The following PDIA5 variants were observed in gnomAD, a reference collection of about 807,000 sequenced individuals.
The protein encoded by PDIA5 is protein disulfide isomerase family A member 5, also known as protein disulfide-isomerase A5.
In PDIA5, 58 loss-of-function variants were observed where a neutral mutation model predicts 77.6. The ratio of observed to expected loss-of-function variants is 0.75; its 90% CI spans 0.61 to 0.93. The LOEUF is 0.93. Ranked by LOEUF, PDIA5 falls within the 40% of genes least tolerant of loss-of-function variation. The pLI, the probability that PDIA5 is intolerant of heterozygous loss-of-function variation, is 0.00. For synonymous variants in PDIA5, 250 were observed against 252.1 expected (o/e 0.99, Z 0.08); for missense variants, 630 against 647.7 (o/e 0.97, Z 0.30).
At chr3:123,114,706 A>G (rs1159203118) in intron 7 of PDIA5, among the ~76,000 whole-genome samples, 1 of 152,200 alleles carries the variant, frequency 6.6e-6, no homozygotes. Context: ...GACAAGTGTC[A>G]TATTCCTTCC....
intron 1 of PDIA5, among the ~76,000 whole-genome samples, chr3:123,084,827 G>A (rs185760096): frequency 2.7e-3 from 410 of 152,184 alleles, no homozygotes; most frequent in African/African-American, 9.3e-3. Flanking sequence ...GTCTCTCCAC[G>A]CGGGCAGCCA....
Position 123,067,193 on chromosome 3 carries a change from T to C in PDIA5, c.29T>C (p.Leu10Pro). The change falls in exon 1 of 17, where the codon CTG (leucine) becomes CCG (proline). Residue 10 changes from leucine (L) to proline (P), a missense_variant. Transcript: ENST00000316218. Reference sequence around the variant, plus strand: ...GCGCGGGCCGGGCCGGCGTGGCTGCTGCTGGCAATCTGGGTGAGACTGTGG... The same window carrying C: ...GCGCGGGCCGGGCCGGCGTGGCTGCCGCTGGCAATCTGGGTGAGACTGTGG... MARAGPAWL[L>P]LAIWVVLPSW... 2 of 1,248,016 alleles carry C rather than the reference T, an allele frequency of 1.6e-6. No homozygotes were observed. Among genetic ancestry groups the C allele is most frequent in the Non-Finnish European group, 2.0e-6 (2 of 990,526 alleles). The allele number at this position is 1,248,016 out of a possible 1,614,324, so 77.3% of individuals were successfully genotyped here. A position where few individuals can be genotyped will look rare whatever the true frequency, so the allele number is the denominator to read the frequency against.
intron 3 of PDIA5, among the ~76,000 whole-genome samples, chr3:123,100,494 C>T (rs1409450529): frequency 1.3e-5 from 2 of 152,236 alleles, no homozygotes; most frequent in Non-Finnish European, 2.9e-5. Flanking sequence ...ATTGCAGTGT[C>T]ATTAGCCTTT....
rs117091290 is a variant in PDIA5 at position 123,117,108 on chromosome 3, C to T, written c.609+810C>T. Among the ~76,000 whole-genome samples, 565 of 151,974 alleles carry T rather than the reference C, an allele frequency of 3.7e-3. 7 individuals carry two copies. The highest frequency in any genetic ancestry group is 0.02 in the East Asian group (103 of 5,148). On this transcript the variant is annotated intron_variant, in intron 8 of 16. Transcript: ENST00000316218. ...GCTCCCTGGTACCTCTGTGTTCCCCCACCCTGCCAGGTTTTTTTGTTCTCT... is the reference window on the plus strand; with the variant it reads ...GCTCCCTGGTACCTCTGTGTTCCCCTACCCTGCCAGGTTTTTTTGTTCTCT...
chr3:123,150,043 A>G lies in PDIA5; in HGVS notation c.1143-191A>G, dbSNP rs112294582. Among the ~76,000 whole-genome samples, 1,153 of 152,318 alleles carry G rather than the reference A, an allele frequency of 7.6e-3. 9 individuals carry two copies. Among genetic ancestry groups the G allele is most frequent in the African/African-American group, 0.026 (1,074 of 41,570 alleles). Reference sequence around the variant, plus strand: ...CTTAATGGGCTCCTCAGAGGGAATCAGGGAAGGTCTTTGCTGGTGGCACAG... The same window carrying G: ...CTTAATGGGCTCCTCAGAGGGAATCGGGGAAGGTCTTTGCTGGTGGCACAG... On this transcript the variant is annotated intron_variant, in intron 13 of 16. Transcript: ENST00000316218.
chr3:123,120,806 C>A (rs1292014974), intron 8 of PDIA5, among the ~76,000 whole-genome samples: 1 of 152,100 alleles, frequency 6.6e-6, no homozygotes, highest in Admixed American at 6.6e-5. Context: ...CCACCCCCCA[C>A]CTCCACCTCT....
intron 10 of PDIA5, among the ~76,000 whole-genome samples, chr3:123,127,062 T>C (rs1257784975): frequency 6.6e-6 from 1 of 152,228 alleles, no homozygotes; most frequent in Non-Finnish European, 1.5e-5. Context: ...CATTTTGGCC[T>C]GTGTAGCTTT....
At position 123,146,073 on chromosome 3, in the gene PDIA5, C is replaced by T. The variant is rs367988419; in HGVS notation, c.982-26C>T. 1.4e-5 allele frequency: 22 copies of T among 1,611,134 alleles called. No individual in the cohort carries two copies. In the Middle Eastern group the frequency reaches 5.0e-4, roughly 37 times the overall value. ...CAGCACCGCATCTGAGGCTGTAATG[C>T]ATGGTTGGCCTTTCCCCCATCCCAG... On this transcript the variant is annotated intron_variant, in intron 12 of 16. Transcript: ENST00000316218.
At chr3:123,141,371 G>A (rs1935630341) in intron 11 of PDIA5, among the ~76,000 whole-genome samples, 1 of 152,176 alleles carries the variant, frequency 6.6e-6, no homozygotes, top group African/African-American at 2.4e-5. Context: ...CATTTCCCGA[G>A]GCCTCCCAGT....
chr3:123,125,698 A>G (rs1935232211), intron 10 of PDIA5, among the ~76,000 whole-genome samples: 1 of 152,194 alleles, frequency 6.6e-6, no homozygotes, highest in South Asian at 2.1e-4. Context: ...TTAGATTTCT[A>G]AAGGTGGAGA....
intron 5 of PDIA5, among the ~76,000 whole-genome samples, chr3:123,105,604 C>A (rs1198182632): frequency 6.6e-6 from 1 of 152,192 alleles, no homozygotes; most frequent in Non-Finnish European, 1.5e-5. Context: ...CTCCCATTCT[C>A]CCGTAGTAGT....
chr3:123,152,796 C>G lies in PDIA5; in HGVS notation c.1274-2175C>G, dbSNP rs572107641. Among the ~76,000 whole-genome samples the G allele has an allele frequency of 7.9e-5, 12 of 152,276 alleles. No homozygotes were observed. In the South Asian group the frequency reaches 2.3e-3, roughly 29 times the overall value. On this transcript the variant is annotated intron_variant, in intron 14 of 16. Transcript: ENST00000316218. ...AGCTTCTGCACAGCTCTTCCTCCTG[C>G]TGTTTCATTGTTCCTTTTACGCTGA...
In PDIA5 at chr3:123,102,492, C is replaced by A; in HGVS notation, c.339C>A (p.Tyr113Ter). 6.2e-7 allele frequency: 1 copy of A among 1,609,388 alleles called. No homozygotes were observed. Among genetic ancestry groups the A allele is most frequent in the Non-Finnish European group, 8.5e-7 (1 of 1,175,632 alleles). Reference protein sequence around the residue: ...PKDKKVELFHYQDGAFHTEYN... With the variant: ...PKDKKVELFH ...ACAAAAAGGTTGAATTATTCCATTA[C>A]CAGTAAGTACACATGGGCATTTCCA... The change falls in exon 4 of 17, where the codon TAC (tyrosine) becomes TAA (stop). Residue 113 changes from tyrosine (Y) to a stop codon, truncating the protein, a stop_gained and splice_region_variant. Coordinates refer to ENST00000316218, the MANE Select transcript of PDIA5 (RefSeq NM_006810.4). LOFTEE classifies it high-confidence loss of function.
At chr3:123,154,907 C>T in intron 14 of PDIA5, 64 bp from the exon 15 acceptor site, 1 of 1,088,662 alleles carries the variant, frequency 9.2e-7, no homozygotes, top group Non-Finnish European at 1.4e-6. Flanking sequence ...GGAAGGGTCC[C>T]TGGCCCTGCA....
chr3:123,110,182 C>G (rs9856602), intron 6 of PDIA5, among the ~76,000 whole-genome samples: 13,306 of 152,310 alleles, frequency 0.087, 765 homozygotes, highest in Non-Finnish European at 0.13. Context: ...TTCACACACT[C>G]AAGTCTTTAC....
intron 1 of PDIA5, among the ~76,000 whole-genome samples, chr3:123,085,797 C>A (rs894378599): frequency 2.0e-5 from 3 of 152,206 alleles, no homozygotes; most frequent in Non-Finnish European, 2.9e-5. Context: ...GCAGTTGTTG[C>A]TCTCCGCTGG....
At chr3:123,068,081 T>A (rs1253435666) in intron 1 of PDIA5, among the ~76,000 whole-genome samples, 1 of 152,120 alleles carries the variant, frequency 6.6e-6, no homozygotes, top group Non-Finnish European at 1.5e-5. Context: ...TTCGTTTCGC[T>A]GTGGGTGTGT....
chr3:123,098,069 A>G (rs1934487249), intron 3 of PDIA5, among the ~76,000 whole-genome samples: 1 of 152,082 alleles, frequency 6.6e-6, no homozygotes, highest in Admixed American at 6.5e-5. Flanking sequence ...TTTTGTCTCC[A>G]TCTTTTGCCC....
intron 14 of PDIA5, among the ~76,000 whole-genome samples, chr3:123,151,983 T>G (rs1271035460): frequency 1.6e-5 from 2 of 125,098 alleles, no homozygotes; most frequent in Admixed American, 7.7e-5. Context: ...CTGCCTTCCT[T>G]CCTGCCTTCC....
Sources: gnomAD v4.1 joint callset for allele counts (sites outside exome capture counted in the v4.1 genomes callset) on GRCh38, gnomAD v4.1.1 for gene constraint, MANE v1.5 for transcripts, NCBI Gene and HGNC (gene_info 2026-07-23, HGNC 2026-07-21) for gene names.